ZPBP: variants seen among roughly 807,000 people sequenced by gnomAD.
The protein encoded by ZPBP is zona pellucida-binding protein 1.
A neutral mutation model predicts 44.8 loss-of-function variants in ZPBP; 26 were observed. The ratio of observed to expected loss-of-function variants is 0.58; its 90% CI spans 0.43 to 0.81. ZPBP has a LOEUF of 0.81. Among genes scored for constraint, ZPBP ranks in the 30% least tolerant of loss-of-function variants. The pLI, the probability that ZPBP is intolerant of heterozygous loss-of-function variation, is 0.00. For missense variants in ZPBP, 409 were observed against 434.0 expected (o/e 0.94, Z 0.51); for synonymous variants, 174 against 153.2 (o/e 1.14, Z -1.00).
chr7:50,021,010 C>T (rs2128807126), intron 5 of ZPBP, among the ~76,000 whole-genome samples: 1 of 152,136 alleles, frequency 6.6e-6, no homozygotes, highest in Middle Eastern at 3.4e-3. Context: ...CAAACAACTA[C>T]AACTCATACA....
intron 2 of ZPBP, among the ~76,000 whole-genome samples, chr7:49,897,056 C>T (rs1020627490): frequency 9.2e-5 from 14 of 151,944 alleles, no homozygotes; most frequent in South Asian, 2.1e-4. Context: ...CCACCTCGCC[C>T]GGCTAATTTT....
intron 3 of ZPBP, among the ~76,000 whole-genome samples, chr7:50,076,158 C>T (rs1322705160): frequency 7.9e-5 from 12 of 151,160 alleles, no homozygotes; most frequent in Admixed American, 7.2e-4. Flanking sequence ...AAAACATGAA[C>T]GATCATGTTT....
chr7:49,880,854 A>T (rs1031334493), intron 2 of ZPBP, among the ~76,000 whole-genome samples: 3 of 152,120 alleles, frequency 2.0e-5, no homozygotes, highest in Non-Finnish European at 4.4e-5. Context: ...TTTGCCTATG[A>T]CATGGAATAC....
At chr7:49,985,931 T>C (rs1797256537) in intron 6 of ZPBP, among the ~76,000 whole-genome samples, 1 of 152,182 alleles carries the variant, frequency 6.6e-6, no homozygotes, top group South Asian at 2.1e-4. Flanking sequence ...TGTGGTGACC[T>C]GGTATGCAAT....
At chr7:50,065,040 G>A (rs576914180) in intron 3 of ZPBP, among the ~76,000 whole-genome samples, 48 of 152,284 alleles carry the variant, frequency 3.2e-4, no homozygotes, top group Admixed American at 2.0e-3. Context: ...CACAATCCAC[G>A]TTCTTCTGCC....
intron 1 of ZPBP, among the ~76,000 whole-genome samples, chr7:49,910,717 T>G (rs190461800): frequency 6.6e-6 from 1 of 152,236 alleles, no homozygotes; most frequent in African/African-American, 2.4e-5. Flanking sequence ...TGATATATTA[T>G]AGCTGATATA....
At chr7:50,091,731 C>T (rs913965629) in intron 1 of ZPBP, among the ~76,000 whole-genome samples, 2 of 152,144 alleles carry the variant, frequency 1.3e-5, no homozygotes, top group African/African-American at 4.8e-5. Context: ...GAAACATATT[C>T]TGATAGTCTT....
At chr7:49,976,760 C>T (rs930608909) in intron 7 of ZPBP, among the ~76,000 whole-genome samples, 37 of 152,240 alleles carry the variant, frequency 2.4e-4, no homozygotes. Flanking sequence ...ATATCTAAGA[C>T]AGTTTCACTC....
chr7:49,846,256 T>C (rs988340877), downstream of ZPBP, among the ~76,000 whole-genome samples: 4 of 152,106 alleles, frequency 2.6e-5, no homozygotes, highest in African/African-American at 9.7e-5. Flanking sequence ...AACCTGCATG[T>C]CGCCACTTCC....
chr7:50,062,918 C>T (rs1801317273), intron 3 of ZPBP, among the ~76,000 whole-genome samples: 1 of 151,578 alleles, frequency 6.6e-6, no homozygotes, highest in South Asian at 2.1e-4. Flanking sequence ...TTTAGGTGCA[C>T]CAGCCCAGTC....
chr7:49,989,763 T>C (rs1178262441), intron 6 of ZPBP, among the ~76,000 whole-genome samples: 1 of 152,214 alleles, frequency 6.6e-6, no homozygotes, highest in Non-Finnish European at 1.5e-5. Flanking sequence ...TGTAAAAATC[T>C]GGATCAATAT....
intron 2 of ZPBP, among the ~76,000 whole-genome samples, chr7:49,871,141 AATAAG>A (rs1332593296): frequency 6.6e-6 from 1 of 152,240 alleles, no homozygotes; most frequent in African/African-American, 2.4e-5. Context: ...GTGATAAAGG[AATAAG>A]ATATCAATTT....
intron 2 of ZPBP, among the ~76,000 whole-genome samples, chr7:49,900,063 T>C (rs1792631293): frequency 6.6e-6 from 1 of 151,708 alleles, no homozygotes; most frequent in African/African-American, 2.4e-5. Flanking sequence ...AATAAACTTA[T>C]AAATAACACA....
At chr7:50,058,369 G>A (rs1328491907) in intron 3 of ZPBP, among the ~76,000 whole-genome samples, 1 of 152,140 alleles carries the variant, frequency 6.6e-6, no homozygotes, top group East Asian at 1.9e-4. Context: ...TGCTGCCTAA[G>A]TAGAAAGAGA....
intron 2 of ZPBP, among the ~76,000 whole-genome samples, chr7:49,890,909 C>A (rs1438125738): frequency 1.4e-5 from 2 of 146,494 alleles, no homozygotes; most frequent in Non-Finnish European, 3.0e-5. Context: ...AGCCAGGAGA[C>A]GGGTAAACAG....
chr7:49,854,946 A>C (rs975644212), intron 2 of ZPBP, among the ~76,000 whole-genome samples: 1 of 152,232 alleles, frequency 6.6e-6, no homozygotes, highest in Non-Finnish European at 1.5e-5. Context: ...TCCAGGGTAG[A>C]GGGGCTGACA....
chr7:49,868,889 G>C (rs1376249705), intron 2 of ZPBP, among the ~76,000 whole-genome samples: 2 of 152,216 alleles, frequency 1.3e-5, no homozygotes. Context: ...AAAGTGCTGG[G>C]ATTACGGGCA....
chr7:50,065,832 T>C lies in ZPBP; in HGVS notation c.335-7691A>G, dbSNP rs1584155240. ...GTTGGATGCATTTGAGTCCTTCTAGTCTTTTTGACAATTAGTAGTGGAACT... is the reference window on the plus strand; with the variant it reads ...GTTGGATGCATTTGAGTCCTTCTAGCCTTTTTGACAATTAGTAGTGGAACT... On this transcript the variant is annotated intron_variant, in intron 3 of 7. Transcript: ENST00000046087. Among the ~76,000 whole-genome samples, 2 of 151,044 alleles carry C rather than the reference T, an allele frequency of 1.3e-5. 1 individual carries two copies. Among genetic ancestry groups the C allele is most frequent in the Non-Finnish European group, 3.0e-5 (2 of 67,728 alleles).
intron 1 of ZPBP, among the ~76,000 whole-genome samples, chr7:49,929,061 G>A (rs1794356746): frequency 6.6e-6 from 1 of 152,154 alleles, no homozygotes. Flanking sequence ...TGATTGCAGA[G>A]CCAGTTTCCA....
Sources: allele counts gnomAD v4.1 joint callset (sites outside exome capture counted in the v4.1 genomes callset), GRCh38; gene constraint gnomAD v4.1.1; transcripts MANE v1.5; gene names NCBI Gene and HGNC (gene_info 2026-07-23, HGNC 2026-07-21).